SGCZ: variants seen among roughly 807,000 people sequenced by gnomAD.
The protein encoded by SGCZ is sarcoglycan zeta, also known as zeta-sarcoglycan.
SGCZ carries 40 observed loss-of-function variants against 41.3 expected under a neutral mutation model. The observed-to-expected ratio is 0.97, with a 90% CI of 0.75 to 1.26. The LOEUF (loss-of-function observed/expected upper bound fraction) is 1.26, where lower values mean the gene tolerates loss of function less well. Among genes scored for constraint, SGCZ ranks in the 50% most tolerant of loss-of-function variants. The pLI, the probability that SGCZ is intolerant of heterozygous loss-of-function variation, is 0.00. For missense variants in SGCZ, 552 were observed against 369.8 expected, an observed-to-expected ratio of 1.49 and a Z score of -4.04; for synonymous variants, 206 against 137.5, an observed-to-expected ratio of 1.50 and a Z score of -3.49.
chr8:14,237,834 T>C (rs534986585), intron 3 of SGCZ, among the ~76,000 whole-genome samples, 155 bp from the exon 4 acceptor site: 1 of 152,356 alleles, frequency 6.6e-6, no homozygotes, highest in Non-Finnish European at 1.5e-5. Flanking sequence ...GTGGACAATG[T>C]ACAAAACTGA....
chr8:15,210,729 C>T (rs1476365227), intron 1 of SGCZ, among the ~76,000 whole-genome samples: 7 of 152,134 alleles, frequency 4.6e-5, no homozygotes, highest in Admixed American at 3.9e-4. Flanking sequence ...CCCTTGCAGA[C>T]GTCCACACCA....
intron 1 of SGCZ, among the ~76,000 whole-genome samples, chr8:15,114,492 G>C (rs77025601): frequency 0.015 from 2,296 of 152,256 alleles, 49 homozygotes; most frequent in African/African-American, 0.052. Flanking sequence ...GGTTCAAAAA[G>C]AAAGTATGAT....
chr8:14,604,048 C>A (rs1035088501), intron 1 of SGCZ, among the ~76,000 whole-genome samples: 1 of 152,018 alleles, frequency 6.6e-6, no homozygotes, highest in Non-Finnish European at 1.5e-5. Context: ...GCTCAACAAT[C>A]ATATTTTTTG....
intron 1 of SGCZ, among the ~76,000 whole-genome samples, chr8:15,156,621 T>G (rs763435774): frequency 1.3e-5 from 2 of 152,206 alleles, no homozygotes; most frequent in Admixed American, 6.5e-5. Context: ...TCAAAGCTCC[T>G]TATCTTTGCA....
chr8:14,879,818 G>A (rs1295686744), intron 1 of SGCZ: 3 of 151,758 alleles, frequency 2.0e-5, no homozygotes, highest in African/African-American at 7.2e-5. Context: ...AAAAAAGTTG[G>A]GTTTTTGTTT....
At chr8:15,172,167 T>TATTTA (rs1445609095) in intron 1 of SGCZ, among the ~76,000 whole-genome samples, 18 of 132,456 alleles carry the variant, frequency 1.4e-4, no homozygotes, top group Non-Finnish European at 2.4e-4. Context: ...TTTTTTTTTT[T>TATTTA]TTTTTTTTTT....
At chr8:14,943,041 A>C (rs1800328592) in intron 1 of SGCZ, among the ~76,000 whole-genome samples, 1 of 152,180 alleles carries the variant, frequency 6.6e-6, no homozygotes, top group Non-Finnish European at 1.5e-5. Context: ...AAAATAAAAC[A>C]TTATTTACAA....
intron 1 of SGCZ, among the ~76,000 whole-genome samples, chr8:14,929,337 G>A (rs1799860782): frequency 6.6e-6 from 1 of 152,158 alleles, no homozygotes; most frequent in South Asian, 2.1e-4. Context: ...ACTCTGTGCT[G>A]CTATATAAAG....
chr8:14,757,407 T>G (rs1799713724), intron 1 of SGCZ, among the ~76,000 whole-genome samples: 1 of 152,192 alleles, frequency 6.6e-6, no homozygotes, highest in African/African-American at 2.4e-5. Flanking sequence ...CTTTCTCAGG[T>G]ACTGTGTGGG....
intron 5 of SGCZ, among the ~76,000 whole-genome samples, chr8:14,124,111 A>C (rs1024850276): frequency 1.3e-5 from 2 of 152,316 alleles, no homozygotes; most frequent in South Asian, 4.1e-4. Flanking sequence ...AAACAGGTTC[A>C]AACTTGTAAC....
intron 1 of SGCZ, among the ~76,000 whole-genome samples, chr8:14,650,230 A>G (rs1240781859): frequency 6.6e-6 from 1 of 152,058 alleles, no homozygotes; most frequent in Non-Finnish European, 1.5e-5. Context: ...CAAATGGATC[A>G]GGAGTAGGAG....
At chr8:15,096,686 T>C (rs1373180541) in intron 1 of SGCZ, among the ~76,000 whole-genome samples, 1 of 152,068 alleles carries the variant, frequency 6.6e-6, no homozygotes, top group African/African-American at 2.4e-5. Context: ...CCTTTTTATT[T>C]TATTTTATTT....
intron 1 of SGCZ, among the ~76,000 whole-genome samples, chr8:14,791,164 T>C (rs1800939325): frequency 6.6e-6 from 1 of 152,160 alleles, no homozygotes; most frequent in African/African-American, 2.4e-5. Flanking sequence ...ATAATGTACA[T>C]GTTAATATTT....
At chr8:15,083,975 G>C (rs1338681192) in intron 1 of SGCZ, among the ~76,000 whole-genome samples, 2 of 147,598 alleles carry the variant, frequency 1.4e-5, no homozygotes, top group African/African-American at 5.2e-5. Flanking sequence ...TTTACATTCA[G>C]TTATCATTTT....
At chr8:14,149,598 A>G (rs571269962) in intron 5 of SGCZ, among the ~76,000 whole-genome samples, 17 of 152,014 alleles carry the variant, frequency 1.1e-4, no homozygotes, top group Non-Finnish European at 2.2e-4. Flanking sequence ...CATACCACCC[A>G]AAGCTATCTA....
intron 1 of SGCZ, among the ~76,000 whole-genome samples, chr8:14,617,199 G>GT (rs1806133259): frequency 6.6e-6 from 1 of 152,092 alleles, no homozygotes; most frequent in Non-Finnish European, 1.5e-5. Context: ...GAAAGTAAAA[G>GT]TAAGTATTAA....
At chr8:14,954,736 A>G (rs1339089101) in intron 1 of SGCZ, among the ~76,000 whole-genome samples, 4 of 152,066 alleles carry the variant, frequency 2.6e-5, no homozygotes, top group Admixed American at 2.0e-4. Context: ...TTCTTAACTG[A>G]TTGAGCCTTA....
rs548214475 is a variant in SGCZ, at chr8:14,815,571, C to G, written c.40-260645G>C. ...TTGTCTGCACCTATGCCAGCACATA[C>G]TTAAATGTCACAATAATATTATCAC... On this transcript the variant is annotated intron_variant, in intron 1 of 7. Coordinates refer to ENST00000382080, the MANE Select transcript of SGCZ (RefSeq NM_139167.4). Among the ~76,000 whole-genome samples, 11 of 152,220 alleles carry G rather than the reference C, an allele frequency of 7.2e-5. No individual in the cohort carries two copies. The South Asian group carries it at 1.9e-3, about 26-fold the overall frequency.
chr8:15,228,394 C>T (rs1801841946), intron 1 of SGCZ, among the ~76,000 whole-genome samples: 1 of 152,172 alleles, frequency 6.6e-6, no homozygotes, highest in Non-Finnish European at 1.5e-5. Context: ...CCTGATTATT[C>T]ATGGAACTAT....
Sources: allele counts gnomAD v4.1 joint callset (sites outside exome capture counted in the v4.1 genomes callset), GRCh38; gene constraint gnomAD v4.1.1; transcripts MANE v1.5; gene names NCBI Gene and HGNC (gene_info 2026-07-23, HGNC 2026-07-21).